DBN1: variants seen among roughly 807,000 people sequenced by gnomAD.
The protein encoded by DBN1 is drebrin.
Under a neutral mutation model 83.5 loss-of-function variants are expected in DBN1, and 21 were observed. The observed-to-expected ratio is 0.25, with a 90% confidence interval of 0.18 to 0.36. The LOEUF (loss-of-function observed/expected upper bound fraction) is 0.36, where lower values mean the gene tolerates loss of function less well. Among genes scored for constraint, DBN1 ranks in the 10% least tolerant of loss-of-function variants. The pLI is 1.00. For synonymous variants in DBN1, 381 were observed against 384.9 expected (o/e 0.99, Z 0.12); for missense variants, 874 against 935.7 (o/e 0.93, Z 0.86).
At chr5:177,460,607 C>CT (rs767151409) in intron 9 of DBN1, 37 bp downstream of exon 9, 1 of 1,614,158 alleles carries the variant, frequency 6.2e-7, no homozygotes, top group Non-Finnish European at 8.5e-7. Flanking sequence ...TGAGATAGCC[C>CT]TGTCTGCCTC....
At chr5:177,472,415 C>CG (rs34585183) in intron 1 of DBN1, 15,372 of 1,417,946 alleles carry the variant, frequency 0.011, 173 homozygotes, top group South Asian at 0.043. Context: ...AAGAGTATTA[C>CG]GGGGGGGTTA....
chr5:177,464,213 C>T (rs531277498), intron 8 of DBN1, among the ~76,000 whole-genome samples: 6 of 149,498 alleles, frequency 4.0e-5, no homozygotes, highest in Non-Finnish European at 5.9e-5. Flanking sequence ...TTTGGGAGGC[C>T]GAGACAGGTG....
intron 14 of DBN1, 62 bp from the exon 15 acceptor site, chr5:177,457,565 T>C: frequency 6.4e-7 from 1 of 1,565,962 alleles, no homozygotes; most frequent in East Asian, 2.2e-5. Context: ...CCCCAGCCTC[T>C]GTGAGCGGTG....
chr5:177,463,542 C>A (rs374647798), intron 8 of DBN1, among the ~76,000 whole-genome samples: 8 of 152,312 alleles, frequency 5.3e-5, no homozygotes, highest in African/African-American at 1.9e-4. Flanking sequence ...GGAGAGAAAG[C>A]AACAGCTCCT....
At chr5:177,472,212 T>G in intron 1 of DBN1, 1 of 1,613,744 alleles carries the variant, frequency 6.2e-7, no homozygotes, top group Non-Finnish European at 8.5e-7. Flanking sequence ...CCCAGCCATC[T>G]CATCCTCTCC....
In DBN1 at chr5:177,467,448, G is replaced by A; in HGVS notation, c.477+33C>T. ...CCAGACTCGGGCACCAGGCCACGCA[G>A]GCAGAGCCCACGGGTGCCAAACACA... On this transcript the variant is annotated intron_variant, in intron 5 of 14. Transcript: ENST00000393565. The surrounding 1 kb of genome is among the most constrained non-coding windows in gnomAD (Gnocchi z 9.1). The A allele has an allele frequency of 1.9e-6, 3 of 1,609,936 alleles. No individual in the cohort carries two copies. Among genetic ancestry groups the A allele is most frequent in the Non-Finnish European group, 2.5e-6 (3 of 1,177,416 alleles).
Position 177,472,129 on chromosome 5 carries a change from C to T in DBN1, c.86+1307G>A, listed in dbSNP as rs567849983. The T allele has an allele frequency of 3.0e-5, 48 of 1,611,034 alleles. 1 individual carries two copies. Among genetic ancestry groups the T allele is most frequent in the South Asian group, 3.0e-4 (27 of 90,638 alleles). Reference sequence around the variant, plus strand: ...TCTCCTGTGACTGACCTGCAGGACACGAGAGCTTGTCTCTCGCGTCCATCC... The same window carrying T: ...TCTCCTGTGACTGACCTGCAGGACATGAGAGCTTGTCTCTCGCGTCCATCC... On this transcript the variant is annotated intron_variant, in intron 1 of 14. Transcript: ENST00000393565.
At position 177,473,620 on chromosome 5, in the gene DBN1, C is replaced by T. The variant is rs1338985558; in HGVS notation, c.-99G>A. The T allele has an allele frequency of 8.0e-6, 6 of 745,810 alleles. No homozygotes were observed. Among genetic ancestry groups the T allele is most frequent in the Non-Finnish European group, 1.1e-5 (6 of 559,600 alleles). 46.2% of individuals were successfully genotyped at this position (745,810 alleles called of 1,614,324 possible). On this transcript the variant is annotated 5_prime_UTR_variant, in exon 1 of 15. Transcript: ENST00000393565. Reference sequence around the variant, plus strand: ...GGGAGTCGCCGCCGCCGCCTCGGAGCCTCTGCAGCGTCGCGAGCCGAGCGA... The same window carrying T: ...GGGAGTCGCCGCCGCCGCCTCGGAGTCTCTGCAGCGTCGCGAGCCGAGCGA...
At chr5:177,471,678 T>G (rs981872036) in intron 1 of DBN1, among the ~76,000 whole-genome samples, 8 of 152,144 alleles carry the variant, frequency 5.3e-5, no homozygotes, top group African/African-American at 1.7e-4. Context: ...TGAACGAATG[T>G]GTGCATGTGC....
intron 8 of DBN1, among the ~76,000 whole-genome samples, chr5:177,463,138 G>T (rs566743516): frequency 2.3e-3 from 356 of 152,120 alleles, no homozygotes; most frequent in African/African-American, 8.2e-3. Flanking sequence ...CCGGGTTCAC[G>T]CCATTCTCCT....
At chr5:177,460,792 GTTT>G in intron 8 of DBN1, 89 bp from the exon 9 acceptor site, 1 of 1,387,590 alleles carries the variant, frequency 7.2e-7, no homozygotes, top group Admixed American at 2.1e-5. Context: ...TATTGATTTT[GTTT>G]TTAAGACAGG....
At chr5:177,472,333 C>A (rs535924620) in intron 1 of DBN1, 1 of 1,513,996 alleles carries the variant, frequency 6.6e-7, no homozygotes, top group East Asian at 2.6e-5. Context: ...TCAGTTTCCT[C>A]AAGAAGAACC....
rs973210866 is a variant in DBN1, at chr5:177,468,586, C to T, written c.142+258G>A. The stretch of plus-strand genomic sequence containing the variant: ...GAATAGGGCCCTTCCCCCAAAGTGT[C>T]CCAGCTGTGTGGCTTCAGATAAGTC... On this transcript the variant is annotated intron_variant, in intron 2 of 14. Transcript: ENST00000393565. 2.8e-5 allele frequency: 12 copies of T among 434,920 alleles called. No homozygotes were observed. In the Admixed American group the frequency reaches 4.2e-4, roughly 15 times the overall value. 26.9% of individuals were successfully genotyped at this position (434,920 alleles called of 1,614,324 possible).
Position 177,473,427 on chromosome 5 carries a change from G to A in DBN1, c.86+9C>T, listed in dbSNP as rs1325589261. 34 of 1,395,736 alleles carry A rather than the reference G, an allele frequency of 2.4e-5. 1 individual carries two copies. The highest frequency in any genetic ancestry group is 3.0e-5 in the African/African-American group (2 of 66,990). 86.5% of individuals were successfully genotyped at this position (1,395,736 alleles called of 1,614,324 possible). The stretch of plus-strand genomic sequence containing the variant: ...ACAAAGGGGCCGGGGGCGGGGGCGG[G>A]GGGCTCACCAGTCGGCCGCGCTCTC... On this transcript the variant is annotated intron_variant, in intron 1 of 14. Transcript: ENST00000393565.
At chr5:177,457,976 G>T in intron 13 of DBN1, 82 bp downstream of exon 13, 1 of 1,569,672 alleles carries the variant, frequency 6.4e-7, no homozygotes, top group Non-Finnish European at 8.8e-7. Context: ...GGGTACTGGT[G>T]CAAGCATGAG....
chr5:177,467,857 A>AG lies in DBN1; in HGVS notation c.256-41dup, dbSNP rs747058427. 4.4e-5 allele frequency: 69 copies of AG among 1,581,164 alleles called. No homozygotes were observed. The Middle Eastern group carries it at 8.3e-4, about 19-fold the overall frequency. On this transcript the variant is annotated intron_variant, in intron 3 of 14. Transcript: ENST00000393565. This position sits in a 1 kb window ranked among gnomAD's most constrained non-coding sequence, Gnocchi z 9.1. ...GCAAAGAGGGGGTCAGGAAAGGACA[A>AG]GGGGGGCCCTACACGATAGGGTGCA...
chr5:177,467,430 C>G lies in DBN1; in HGVS notation c.477+51G>C, dbSNP rs544036574. 6.2e-7 allele frequency: 1 copy of G among 1,611,172 alleles called. No individual in the cohort carries two copies. Among genetic ancestry groups the G allele is most frequent in the Non-Finnish European group, 8.5e-7 (1 of 1,178,018 alleles). ...TAAGAGGGACCGGGCAGGCCAGACT[C>G]GGGCACCAGGCCACGCAGGCAGAGC... is the stretch of plus-strand genomic sequence containing the variant. On this transcript the variant is annotated intron_variant, in intron 5 of 14. Transcript: ENST00000393565. This position sits in a 1 kb window ranked among gnomAD's most constrained non-coding sequence, Gnocchi z 9.1.
In DBN1 at chr5:177,466,571, T is replaced by C. The variant is rs1357268337; in HGVS notation, c.771+201A>G. ...ATCTAGAGCACAAGCTTCTCCAAAG[T>C]AGTCTTTTTCCACGGCCAGAGGCCA... On this transcript the variant is annotated intron_variant, in intron 8 of 14. Transcript: ENST00000393565. The surrounding 1 kb of genome is among the most constrained non-coding windows in gnomAD (Gnocchi z 4.8). Among the ~76,000 whole-genome samples the C allele has an allele frequency of 6.6e-6, 1 of 152,178 alleles. No homozygotes were observed. The highest frequency in any genetic ancestry group is 1.5e-5 in the Non-Finnish European group (1 of 68,022).
In DBN1 at chr5:177,461,094, C is replaced by CTTTT. The variant is rs1212164434; in HGVS notation, c.772-395_772-392dup. On this transcript the variant is annotated intron_variant, in intron 8 of 14. Transcript: ENST00000393565. ...CACCAGTGCCCGGCCTTCTGGCCTT[C>CTTTT]TTTTTTTTTTTTTTTTTTTTTTGAG... Among the ~76,000 whole-genome samples the CTTTT allele has an allele frequency of 7.8e-3, 704 of 90,666 alleles. 20 individuals carry two copies. The highest frequency in any genetic ancestry group is 0.011 in the Non-Finnish European group (504 of 47,340). 59.5% of individuals were successfully genotyped at this position (90,666 alleles called of 152,430 possible).
Sources: gnomAD v4.1 joint callset for allele counts (sites outside exome capture counted in the v4.1 genomes callset) on GRCh38, gnomAD v4.1.1 for gene constraint, Gnocchi (gnomAD v3.1) non-coding constraint, MANE v1.5 for transcripts, NCBI Gene and HGNC (gene_info 2026-07-23, HGNC 2026-07-21) for gene names.